The following TTC7B variants were observed in gnomAD, a reference collection of about 807,000 sequenced individuals.
The protein encoded by TTC7B is tetratricopeptide repeat domain 7B.
In TTC7B, 28 loss-of-function variants were observed where a neutral mutation model predicts 106.8. The observed-to-expected ratio is 0.26, with a 90% CI of 0.19 to 0.36. TTC7B has a LOEUF of 0.36. Among genes scored for constraint, TTC7B ranks in the 10% least tolerant of loss-of-function variants. The probability of loss-of-function intolerance (pLI) is 1.00; values close to 1 mark genes in which losing one functional copy is unlikely to be tolerated. For missense variants in TTC7B, 862 were observed against 1,076.4 expected, an observed-to-expected ratio of 0.80 and a Z score of 2.79; for synonymous variants, 405 against 430.6, an observed-to-expected ratio of 0.94 and a Z score of 0.74.
In TTC7B at chr14:90,663,398, C is replaced by A. The variant is rs1436975581; in HGVS notation, c.1153-5011G>T. Among the ~76,000 whole-genome samples, 1 of 152,140 alleles carries A rather than the reference C, an allele frequency of 6.6e-6. No homozygotes were observed. Among genetic ancestry groups the A allele is most frequent in the Non-Finnish European group, 1.5e-5 (1 of 68,030 alleles). ...AAGCAAAGGACAACTAAATAAAAGG[C>A]CCCTAAAAAGGCCACATGCTTCTTG... On this transcript the variant is annotated intron_variant, in intron 9 of 19. Transcript: ENST00000328459. The surrounding 1 kb of genome is among the most constrained non-coding windows in gnomAD (Gnocchi z 4.5).
chr14:90,646,116 A>G (rs1482229296), intron 14 of TTC7B, among the ~76,000 whole-genome samples: 3 of 152,166 alleles, frequency 2.0e-5, no homozygotes, highest in South Asian at 2.1e-4. Context: ...TAGGTTGCCA[A>G]TGGAAGCCAC....
intron 5 of TTC7B, among the ~76,000 whole-genome samples, chr14:90,727,483 G>A (rs558726338): frequency 1.7e-3 from 263 of 152,356 alleles, no homozygotes; most frequent in Non-Finnish European, 3.0e-3. Flanking sequence ...TGACCATGAA[G>A]GACAAGTGTT....
chr14:90,648,464 A>G (rs1318304716), intron 13 of TTC7B: 2 of 152,364 alleles, frequency 1.3e-5, no homozygotes, highest in African/African-American at 2.4e-5. Flanking sequence ...CGATCCTCCC[A>G]TCTTAGCCTC....
intron 7 of TTC7B, among the ~76,000 whole-genome samples, chr14:90,689,268 G>T (rs1387352342): frequency 2.0e-5 from 3 of 152,116 alleles, no homozygotes; most frequent in African/African-American, 7.2e-5. Flanking sequence ...TAAATGGAAA[G>T]AAAATTCCAA....
rs906145199 is a variant in TTC7B at position 90,606,645 on chromosome 14, T to C, written c.1966+4097A>G. ...CTTTCACTGGCTGGGACCTATGAGATGGCAGAGGTGGGAGGAAGGGACGCC... is the reference window on the plus strand; with the variant it reads ...CTTTCACTGGCTGGGACCTATGAGACGGCAGAGGTGGGAGGAAGGGACGCC... On this transcript the variant is annotated intron_variant, in intron 17 of 19. Transcript: ENST00000328459. Among the ~76,000 whole-genome samples the C allele has an allele frequency of 1.8e-4, 27 of 152,172 alleles. 2 individuals carry two copies. The highest frequency in any genetic ancestry group is 1.5e-5 in the Non-Finnish European group (1 of 68,032).
intron 15 of TTC7B, among the ~76,000 whole-genome samples, chr14:90,622,735 C>T (rs1169456719): frequency 4.6e-5 from 7 of 151,996 alleles, no homozygotes; most frequent in Non-Finnish European, 1.0e-4. Context: ...CCTGCCCCCA[C>T]TTCCCCCCAA....
At chr14:90,760,880 A>C (rs545622993) in intron 3 of TTC7B, among the ~76,000 whole-genome samples, 1 of 152,346 alleles carries the variant, frequency 6.6e-6, no homozygotes, top group Non-Finnish European at 1.5e-5. Context: ...CAAGAATTCC[A>C]ATGTTTCCCC....
At chr14:90,809,562 A>G (rs1304815449) in intron 1 of TTC7B, among the ~76,000 whole-genome samples, 1 of 152,270 alleles carries the variant, frequency 6.6e-6, no homozygotes, top group African/African-American at 2.4e-5. Context: ...ACCAACCCCA[A>G]GGGCAAACAC....
Position 90,524,668 on chromosome 14 carries a change from C to T in TTC7B, c.*16700G>A, listed in dbSNP as rs1039826226. Reference sequence around the variant, plus strand: ...AAAACAGGTCATGCCCCTGGAGTGGCCTCGCACCGTCCATCCCCGGAGGGG... The same window carrying T: ...AAAACAGGTCATGCCCCTGGAGTGGTCTCGCACCGTCCATCCCCGGAGGGG... On this transcript the variant is annotated 3_prime_UTR_variant, in exon 20 of 20. Coordinates refer to ENST00000328459, the MANE Select transcript of TTC7B (RefSeq NM_001010854.2). 6.6e-6 allele frequency: 1 copy of T among 152,288 alleles called. No homozygotes were observed. Among genetic ancestry groups the T allele is most frequent in the East Asian group, 1.9e-4 (1 of 5,188 alleles). The allele number at this position is 152,288 out of a possible 1,614,324, so 9.4% of individuals were successfully genotyped here. A position where few individuals can be genotyped will look rare whatever the true frequency, so the allele number is the denominator to read the frequency against.
rs1484385184 is a variant in TTC7B, at chr14:90,529,494, A to G, written c.*11874T>C. 1 of 152,238 alleles carries G rather than the reference A, an allele frequency of 6.6e-6. No individual in the cohort carries two copies. The highest frequency in any genetic ancestry group is 1.5e-5 in the Non-Finnish European group (1 of 68,058). The allele number at this position is 152,238 out of a possible 1,614,324, so 9.4% of individuals were successfully genotyped here. Reference sequence around the variant, plus strand: ...ATTCTGCCTATCCGAATTCTACCCTAAGATAGATAATCAGAGATGCTAGGA... The same window carrying G: ...ATTCTGCCTATCCGAATTCTACCCTGAGATAGATAATCAGAGATGCTAGGA... On this transcript the variant is annotated 3_prime_UTR_variant, in exon 20 of 20. Coordinates refer to ENST00000328459, the MANE Select transcript of TTC7B (RefSeq NM_001010854.2).
intron 17 of TTC7B, chr14:90,605,712 A>C (rs1260899977): frequency 7.8e-7 from 1 of 1,287,190 alleles, no homozygotes; most frequent in Non-Finnish European, 1.0e-6. Flanking sequence ...GGTGGAGAGG[A>C]GATTCGGTTC....
At chr14:90,563,520 T>C (rs547124240) in intron 19 of TTC7B, among the ~76,000 whole-genome samples, 2 of 152,210 alleles carry the variant, frequency 1.3e-5, no homozygotes, top group Non-Finnish European at 2.9e-5. Flanking sequence ...CTGGCCTCCA[T>C]GTTGATGGCT....
rs1890343164 is a variant in TTC7B at position 90,757,526 on chromosome 14, A to C, written c.446-12604T>G. Among the ~76,000 whole-genome samples the C allele has an allele frequency of 6.6e-6, 1 of 152,222 alleles. No homozygotes were observed. Among genetic ancestry groups the C allele is most frequent in the Non-Finnish European group, 1.5e-5 (1 of 68,036 alleles). ...ATCTTCTCTCCTGTCCTCTCTTTGC[A>C]AATGAGGAGATTCAAGCTCAGAGAT... is the stretch of plus-strand genomic sequence containing the variant. On this transcript the variant is annotated intron_variant, in intron 3 of 19. Transcript: ENST00000328459. The surrounding 1 kb of genome is among the most constrained non-coding windows in gnomAD (Gnocchi z 4.1).
Position 90,708,240 on chromosome 14 carries a change from A to G in TTC7B, c.699-12662T>C, listed in dbSNP as rs971118466. 5.3e-5 allele frequency among the ~76,000 whole-genome samples: 8 copies of G among 152,144 alleles called. No homozygotes were observed. In the South Asian group the frequency reaches 1.7e-3, roughly 32 times the overall value. On this transcript the variant is annotated intron_variant, in intron 5 of 19. Coordinates refer to ENST00000328459, the MANE Select transcript of TTC7B (RefSeq NM_001010854.2). Reference sequence around the variant, plus strand: ...TTATCCAGAAGTTCTAGCTGAGGTCATTAATGAAGGTGCCTATAGTAAACA... The same window carrying G: ...TTATCCAGAAGTTCTAGCTGAGGTCGTTAATGAAGGTGCCTATAGTAAACA...
At chr14:90,783,580 C>T (rs1036745723) in intron 2 of TTC7B, among the ~76,000 whole-genome samples, 13 of 152,130 alleles carry the variant, frequency 8.5e-5, no homozygotes, top group Admixed American at 2.0e-4. Flanking sequence ...GGTTAAGTAA[C>T]GTCCCAAGAT....
At chr14:90,661,141 C>T (rs1377770711) in intron 9 of TTC7B, among the ~76,000 whole-genome samples, 1 of 152,268 alleles carries the variant, frequency 6.6e-6, no homozygotes, top group Non-Finnish European at 1.5e-5. Flanking sequence ...CCATGAGGCG[C>T]TGCAGCTGCT....
chr14:90,573,836 C>T (rs1400624778), intron 19 of TTC7B, among the ~76,000 whole-genome samples: 4 of 152,236 alleles, frequency 2.6e-5, no homozygotes, highest in African/African-American at 9.6e-5. Flanking sequence ...TAATATTCTC[C>T]AGCACACATT....
chr14:90,693,475 G>A (rs139574710), intron 6 of TTC7B, among the ~76,000 whole-genome samples: 18 of 152,236 alleles, frequency 1.2e-4, no homozygotes, highest in African/African-American at 4.3e-4. Flanking sequence ...GCCTTATTCT[G>A]TCTGGGTTTG....
intron 8 of TTC7B, 53 bp from the exon 9 acceptor site, chr14:90,676,713 G>A (rs1422573904): frequency 6.3e-7 from 1 of 1,591,974 alleles, no homozygotes; most frequent in Non-Finnish European, 8.6e-7. Flanking sequence ...AGTGCTGCAT[G>A]GCGGGGAGTC....
Sources: allele counts gnomAD v4.1 joint callset (sites outside exome capture counted in the v4.1 genomes callset), GRCh38; gene constraint gnomAD v4.1.1; non-coding constraint Gnocchi (gnomAD v3.1); transcripts MANE v1.5; gene names NCBI Gene and HGNC (gene_info 2026-07-23, HGNC 2026-07-21).